TSPAN9: variants seen among roughly 807,000 people sequenced by gnomAD.
TSPAN9 encodes the protein tetraspanin-9.
TSPAN9 carries 16 observed loss-of-function variants against 31.0 expected under a neutral mutation model. The ratio of observed to expected loss-of-function variants is 0.52; its 90% CI spans 0.35 to 0.78. TSPAN9 has a LOEUF of 0.78. Ranked by LOEUF, TSPAN9 falls within the 30% of genes least tolerant of loss-of-function variation. TSPAN9 has a pLI of 0.01. For synonymous variants in TSPAN9, 145 were observed against 121.6 expected (o/e 1.19, Z -1.27); for missense variants, 272 against 312.5 (o/e 0.87, Z 0.98).
Position 3,143,319 on chromosome 12 carries a change from T to C in TSPAN9, c.-17-57858T>C, listed in dbSNP as rs1268195265. On this transcript the variant is annotated intron_variant, in intron 2 of 8. Transcript: ENST00000011898. This position sits in a 1 kb window ranked among gnomAD's most constrained non-coding sequence, Gnocchi z 4.2. ...TTAATTATAATTAATACACCATTAA[T>C]GTCTTGAGGGCAGGCACTTTGAAAC... is the stretch of plus-strand genomic sequence containing the variant. Among the ~76,000 whole-genome samples the C allele has an allele frequency of 6.8e-6, 1 of 148,062 alleles. No homozygotes were observed. The highest frequency in any genetic ancestry group is 1.9e-4 in the East Asian group (1 of 5,170).
At chr12:3,097,529 G>A (rs79783549) in intron 2 of TSPAN9, among the ~76,000 whole-genome samples, 2,256 of 152,342 alleles carry the variant, frequency 0.015, 20 homozygotes, top group Non-Finnish European at 0.025. Context: ...GGAGGAATGG[G>A]GCTGAGGGAA....
chr12:3,144,434 A>G (rs906493112), intron 2 of TSPAN9, among the ~76,000 whole-genome samples: 19 of 152,156 alleles, frequency 1.2e-4, no homozygotes, highest in African/African-American at 4.6e-4. Flanking sequence ...GGACACAGGA[A>G]GCACCATGTG....
At chr12:3,237,279 T>TTCTGGGCTTG (rs1179770114) in intron 3 of TSPAN9, among the ~76,000 whole-genome samples, 3 of 152,336 alleles carry the variant, frequency 2.0e-5, no homozygotes, top group South Asian at 2.1e-4. Flanking sequence ...ACACAGATAT[T>TTCTGGGCTTG]CCTGGGCTTG....
intron 2 of TSPAN9, among the ~76,000 whole-genome samples, chr12:3,164,074 C>A (rs1364421628): frequency 6.6e-6 from 1 of 152,130 alleles, no homozygotes. Flanking sequence ...TTGGGATAGA[C>A]CAGTGGTACT....
chr12:3,237,417 TA>T (rs1259655119), intron 3 of TSPAN9, among the ~76,000 whole-genome samples: 1 of 152,210 alleles, frequency 6.6e-6, no homozygotes, highest in Non-Finnish European at 1.5e-5. Flanking sequence ...CTATTCTCCT[TA>T]TACCAGGGCT....
rs1164683539 is a variant in TSPAN9 at position 3,168,683 on chromosome 12, G to A, written c.-17-32494G>A. 2.0e-5 allele frequency among the ~76,000 whole-genome samples: 3 copies of A among 152,168 alleles called. No individual in the cohort carries two copies. Among genetic ancestry groups the A allele is most frequent in the Admixed American group, 2.0e-4 (3 of 15,286 alleles). Reference sequence around the variant, plus strand: ...CAGTTACAGGCATTGGGAAAAAATTGAGCTCTGGATGGAGAGGATTTGATA... The same window carrying A: ...CAGTTACAGGCATTGGGAAAAAATTAAGCTCTGGATGGAGAGGATTTGATA... On this transcript the variant is annotated intron_variant, in intron 2 of 8. Transcript: ENST00000011898. The surrounding 1 kb of genome is among the most constrained non-coding windows in gnomAD (Gnocchi z 4.0).
At chr12:3,101,573 A>T (rs1437485772) in intron 2 of TSPAN9, among the ~76,000 whole-genome samples, 2 of 151,876 alleles carry the variant, frequency 1.3e-5, no homozygotes, top group African/African-American at 4.8e-5. Context: ...GCTCCTTACT[A>T]CTGTTTTATG....
In TSPAN9 at chr12:3,167,448, T is replaced by A. The variant is rs1221954339; in HGVS notation, c.-17-33729T>A. The stretch of plus-strand genomic sequence containing the variant: ...AGTATTGATCAGCTTAGGAAAAAAC[T>A]GTGAGCCCCTGGAGATTGGGCTTAT... On this transcript the variant is annotated intron_variant, in intron 2 of 8. Coordinates refer to ENST00000011898, the MANE Select transcript of TSPAN9 (RefSeq NM_006675.5). 2.6e-5 allele frequency among the ~76,000 whole-genome samples: 4 copies of A among 152,192 alleles called. No homozygotes were observed. The East Asian group carries it at 7.7e-4, about 29-fold the overall frequency.
Position 3,133,088 on chromosome 12 carries a change from GA to G in TSPAN9, c.-18+49371del, listed in dbSNP as rs1244100074. On this transcript the variant is annotated intron_variant, in intron 2 of 8. Coordinates refer to ENST00000011898, the MANE Select transcript of TSPAN9 (RefSeq NM_006675.5). ...ACGGTTTCAGGCCTATTTCTAACTG[GA>G]ATCAAAGACTGTCCCTCGGTGAAGG... Among the ~76,000 whole-genome samples the G allele has an allele frequency of 4.6e-5, 7 of 152,292 alleles. No individual in the cohort carries two copies. In the South Asian group the frequency reaches 1.5e-3, roughly 32 times the overall value.
In TSPAN9 at chr12:3,223,373, C is replaced by T. The variant is rs190027156; in HGVS notation, c.63+22117C>T. Among the ~76,000 whole-genome samples, 16 of 152,242 alleles carry T rather than the reference C, an allele frequency of 1.1e-4. No homozygotes were observed. In the East Asian group the frequency reaches 2.3e-3, roughly 22 times the overall value. On this transcript the variant is annotated intron_variant, in intron 3 of 8. Coordinates refer to ENST00000011898, the MANE Select transcript of TSPAN9 (RefSeq NM_006675.5). ...CAGAGATCGTCACGAATGGATTTGACGGGAATGGGGCTGGGGACTGTCATG... is the reference window on the plus strand; with the variant it reads ...CAGAGATCGTCACGAATGGATTTGATGGGAATGGGGCTGGGGACTGTCATG...
intron 2 of TSPAN9, among the ~76,000 whole-genome samples, chr12:3,127,635 G>A (rs61916309): frequency 1.4e-4 from 21 of 152,144 alleles, no homozygotes; most frequent in Admixed American, 5.9e-4. Context: ...GATTACAGGT[G>A]TGAGCCACCG....
intron 2 of TSPAN9, among the ~76,000 whole-genome samples, chr12:3,094,015 A>G (rs2098306432): frequency 6.9e-6 from 1 of 144,268 alleles, no homozygotes; most frequent in African/African-American, 2.4e-5. Context: ...GATGTGCAAC[A>G]CCATGATTGA....
At chr12:3,194,952 G>A (rs1184625879) in intron 2 of TSPAN9, among the ~76,000 whole-genome samples, 2 of 152,208 alleles carry the variant, frequency 1.3e-5, no homozygotes, top group Non-Finnish European at 2.9e-5. Context: ...AGCATTTTCT[G>A]TACTGTACAG....
intron 2 of TSPAN9, among the ~76,000 whole-genome samples, chr12:3,148,751 C>T (rs993689791): frequency 2.0e-5 from 3 of 152,244 alleles, no homozygotes; most frequent in African/African-American, 7.2e-5. Flanking sequence ...TCTCTGCATC[C>T]TCTCCAGCTC....
At chr12:3,278,951 G>T in intron 4 of TSPAN9, 41 bp from the exon 5 acceptor site, 2 of 1,602,560 alleles carry the variant, frequency 1.2e-6, no homozygotes, top group Admixed American at 3.3e-5. Context: ...CCTCAGCCCT[G>T]CCCATTACCA....
rs542403266 is a variant in TSPAN9 at position 3,260,289 on chromosome 12, A to G, written c.64-18132A>G. On this transcript the variant is annotated intron_variant, in intron 3 of 8. Coordinates refer to ENST00000011898, the MANE Select transcript of TSPAN9 (RefSeq NM_006675.5). ...GATGGCGTGAATGAGTTACCCGGACAAAGCTCATTAGCAGTCCCTGTTGTC... is the reference window on the plus strand; with the variant it reads ...GATGGCGTGAATGAGTTACCCGGACGAAGCTCATTAGCAGTCCCTGTTGTC... 1.4e-3 allele frequency among the ~76,000 whole-genome samples: 206 copies of G among 152,392 alleles called. 2 individuals are homozygous for G. The highest frequency in any genetic ancestry group is 4.2e-3 in the Admixed American group (64 of 15,312).
Position 3,280,755 on chromosome 12 carries a change from A to G in TSPAN9, c.432+272A>G, listed in dbSNP as rs2335819. ...GAATGACTGAATTTATTTTAGCAAC[A>G]GATTTGCCTCCATGATGGGGCTTGG... On this transcript the variant is annotated intron_variant, in intron 6 of 8. Coordinates refer to ENST00000011898, the MANE Select transcript of TSPAN9 (RefSeq NM_006675.5). The surrounding 1 kb of genome is among the most constrained non-coding windows in gnomAD (Gnocchi z 4.5). Among the ~76,000 whole-genome samples the G allele has an allele frequency of 0.46, 69,702 of 152,122 alleles. 18,064 individuals carry two copies. Among genetic ancestry groups the G allele is most frequent in the South Asian group, 0.62 (2,997 of 4,820 alleles).
At chr12:3,247,946 A>G (rs1188841268) in intron 3 of TSPAN9, among the ~76,000 whole-genome samples, 3 of 152,222 alleles carry the variant, frequency 2.0e-5, no homozygotes, top group Non-Finnish European at 4.4e-5. Flanking sequence ...CTGTGTGTGC[A>G]TGCCAGTGGG....
chr12:3,162,108 G>A (rs901246567), intron 2 of TSPAN9, among the ~76,000 whole-genome samples: 2 of 152,118 alleles, frequency 1.3e-5, no homozygotes, highest in African/African-American at 4.8e-5. Flanking sequence ...CATCCTCACT[G>A]TAATAGTTCC....
Sources: allele counts gnomAD v4.1 joint callset (sites outside exome capture counted in the v4.1 genomes callset), GRCh38; gene constraint gnomAD v4.1.1; non-coding constraint Gnocchi (gnomAD v3.1); transcripts MANE v1.5; gene names NCBI Gene and HGNC (gene_info 2026-07-23, HGNC 2026-07-21).